The following ALDH4A1 variants were observed in gnomAD, a reference collection of about 807,000 sequenced individuals.
The protein encoded by ALDH4A1 is aldehyde dehydrogenase 4 family member A1.
In ALDH4A1, 46 loss-of-function variants were observed where a neutral mutation model predicts 70.5. That is an observed-to-expected ratio of 0.65 (90% CI 0.51 to 0.83). The LOEUF (loss-of-function observed/expected upper bound fraction) is 0.83, where lower values mean the gene tolerates loss of function less well. Ranked by LOEUF, ALDH4A1 falls within the 40% of genes least tolerant of loss-of-function variation. ALDH4A1 has a pLI of 0.00. For synonymous variants in ALDH4A1, 323 were observed against 324.3 expected (o/e 1.00, Z 0.04); for missense variants, 749 against 766.5 (o/e 0.98, Z 0.27).
At position 18,877,304 on chromosome 1, in the gene ALDH4A1, C is replaced by T. The variant is rs1329482002; in HGVS notation, c.1138-49G>A. On this transcript the variant is annotated intron_variant, in intron 10 of 14. Transcript: ENST00000375341. The stretch of plus-strand genomic sequence containing the variant: ...AGAGACGAGTCACTGCAGGCCGAGA[C>T]CAAGGGAGACCCCTCCCCGCACACC... 13 of 1,574,094 alleles carry T rather than the reference C, an allele frequency of 8.3e-6. No homozygotes were observed. In the African/African-American group the frequency reaches 1.5e-4, roughly 18 times the overall value.
At chr1:18,895,041 CAGTCAGT>C (rs1488644900) in intron 1 of ALDH4A1, among the ~76,000 whole-genome samples, 1 of 152,118 alleles carries the variant, frequency 6.6e-6, no homozygotes, top group Non-Finnish European at 1.5e-5. Flanking sequence ...CGCATTTATG[CAGTCAGT>C]ACACATTTAT....
intron 8 of ALDH4A1, among the ~76,000 whole-genome samples, chr1:18,879,968 G>A (rs537696219): frequency 4.6e-5 from 7 of 152,278 alleles, no homozygotes; most frequent in East Asian, 1.9e-4. Flanking sequence ...CTAATCACCC[G>A]GGAGCCAGCG....
chr1:18,898,347 CAAT>C lies in ALDH4A1; in HGVS notation c.62+4112_62+4114del, dbSNP rs1462985066. 2.6e-5 allele frequency among the ~76,000 whole-genome samples: 4 copies of C among 152,054 alleles called. No homozygotes were observed. The highest frequency in any genetic ancestry group is 5.9e-5 in the Non-Finnish European group (4 of 68,008). ...CAAAACAAACAAACAAACAAACCAA[CAAT>C]AATAACAGAAGAGGTTTGGCATCTG... On this transcript the variant is annotated intron_variant, in intron 1 of 14. Coordinates refer to ENST00000375341, the MANE Select transcript of ALDH4A1 (RefSeq NM_003748.4). This position sits in a 1 kb window ranked among gnomAD's most constrained non-coding sequence, Gnocchi z 4.3.
chr1:18,900,513 G>A (rs1423820949), intron 1 of ALDH4A1, among the ~76,000 whole-genome samples: 1 of 152,178 alleles, frequency 6.6e-6, no homozygotes, highest in Non-Finnish European at 1.5e-5. Flanking sequence ...TCAGGGCCAG[G>A]GTTTTTTTCG....
chr1:18,901,004 A>G (rs1935779870), intron 1 of ALDH4A1: 1 of 797,530 alleles, frequency 1.3e-6, no homozygotes, highest in Non-Finnish European at 1.5e-6. Flanking sequence ...CTCCCCTATT[A>G]AGCCGAAAAC....
At chr1:18,899,088 T>C (rs1177191339) in intron 1 of ALDH4A1, among the ~76,000 whole-genome samples, 1 of 152,156 alleles carries the variant, frequency 6.6e-6, no homozygotes, top group Non-Finnish European at 1.5e-5. Context: ...CACAAAGCAC[T>C]GGATGGGCTC....
chr1:18,876,950 T>C (rs1432276044), intron 11 of ALDH4A1, among the ~76,000 whole-genome samples: 1 of 152,140 alleles, frequency 6.6e-6, no homozygotes, highest in East Asian at 1.9e-4. Flanking sequence ...CAAACACACG[T>C]GTACATGCAC....
At chr1:18,886,325 C>A (rs1935198549) in intron 4 of ALDH4A1, 139 bp downstream of exon 4, 1 of 941,682 alleles carries the variant, frequency 1.1e-6, no homozygotes, top group Non-Finnish European at 1.7e-6. Flanking sequence ...GTGTCAGCCA[C>A]CCCCTGCCCA....
chr1:18,883,500 T>A, intron 5 of ALDH4A1, 72 bp from the exon 6 acceptor site: 1 of 1,601,762 alleles, frequency 6.2e-7, no homozygotes, highest in Non-Finnish European at 8.5e-7. Context: ...CATCTGACGC[T>A]GTGCCCAAAG....
At chr1:18,900,524 T>G (rs1935764967) in intron 1 of ALDH4A1, among the ~76,000 whole-genome samples, 1 of 152,302 alleles carries the variant, frequency 6.6e-6, no homozygotes, top group Non-Finnish European at 1.5e-5. Context: ...GTTTTTTTCG[T>G]AATTGTCAGG....
chr1:18,881,541 C>G (rs1039286842), intron 8 of ALDH4A1, among the ~76,000 whole-genome samples, 159 bp downstream of exon 8: 5 of 152,182 alleles, frequency 3.3e-5, no homozygotes, highest in Non-Finnish European at 4.4e-5. Context: ...GAAATGGAAG[C>G]TCAGAGAGGT....
At chr1:18,877,638 G>A in intron 9 of ALDH4A1, 26 bp from the exon 10 acceptor site, 4 of 1,429,688 alleles carry the variant, frequency 2.8e-6, no homozygotes, top group Non-Finnish European at 3.9e-6. Flanking sequence ...GTGGGGAAAT[G>A]ACCAGAGGAG....
chr1:18,889,826 G>A (rs1377265708), intron 2 of ALDH4A1, among the ~76,000 whole-genome samples, 186 bp downstream of exon 2: 1 of 152,214 alleles, frequency 6.6e-6, no homozygotes, highest in East Asian at 1.9e-4. Flanking sequence ...GCTCCAGGCT[G>A]CCACCTTGGT....
At chr1:18,889,511 A>G in intron 2 of ALDH4A1, 57 bp from the exon 3 acceptor site, 1 of 1,468,540 alleles carries the variant, frequency 6.8e-7, no homozygotes, top group Non-Finnish European at 9.3e-7. Flanking sequence ...CCTCCCATCT[A>G]AAACCCTAAC....
In ALDH4A1 at chr1:18,874,481, C is replaced by T. The variant is rs1934583398; in HGVS notation, c.1561G>A (p.Gly521Arg). Reference sequence around the variant, plus strand: ...CACTCACCAGAGGCTCGGGCCCCCCCAAAGGGCTGCTGGCCCACTATCGAG... The same window carrying T: ...CACTCACCAGAGGCTCGGGCCCCCCTAAAGGGCTGCTGGCCCACTATCGAG... ...TGSIVGQQPF[G>R]GARASGTNDK... is the part of the protein sequence containing the mutation. The change falls in exon 14 of 15, where the codon GGG (glycine) becomes AGG (arginine). Residue 521 changes from glycine to arginine, a missense_variant. Physicochemically the swap from Gly to Arg is moderately radical, Grantham distance 125. Transcript: ENST00000375341. 3 of 1,614,086 alleles carry T rather than the reference C, an allele frequency of 1.9e-6. No individual in the cohort carries two copies. Among genetic ancestry groups the T allele is most frequent in the Non-Finnish European group, 2.5e-6 (3 of 1,180,020 alleles).
chr1:18,872,747 G>A lies in ALDH4A1; in HGVS notation c.*98C>T, dbSNP rs2100546308. 1 of 857,862 alleles carries A rather than the reference G, an allele frequency of 1.2e-6. No individual in the cohort carries two copies. The highest frequency in any genetic ancestry group is 1.5e-5 in the South Asian group (1 of 67,428). The allele number at this position is 857,862 out of a possible 1,614,324, so 53.1% of individuals were successfully genotyped here. A position where few individuals can be genotyped will look rare whatever the true frequency, so the allele number is the denominator to read the frequency against. ...AAGCCCGGATTATAGAAAGGCAGCT[G>A]TGCATGAAGAAGGGGTGGAGGGGCT... On this transcript the variant is annotated 3_prime_UTR_variant, in exon 15 of 15. Coordinates refer to ENST00000375341, the MANE Select transcript of ALDH4A1 (RefSeq NM_003748.4).
At chr1:18,892,561 G>GC (rs1557625677) in intron 1 of ALDH4A1, among the ~76,000 whole-genome samples, 3 of 151,736 alleles carry the variant, frequency 2.0e-5, no homozygotes, top group African/African-American at 7.3e-5. Context: ...AAGGAGGCGG[G>GC]GGGGGGCTGA....
intron 2 of ALDH4A1, 73 bp from the exon 3 acceptor site, chr1:18,889,527 G>T: frequency 1.5e-6 from 2 of 1,357,066 alleles, no homozygotes; most frequent in South Asian, 1.2e-5. Flanking sequence ...CTAACGCAGA[G>T]TCCACAGACG....
chr1:18,887,143 A>G (rs1198306582), intron 3 of ALDH4A1, among the ~76,000 whole-genome samples: 1 of 152,222 alleles, frequency 6.6e-6, no homozygotes, highest in African/African-American at 2.4e-5. Context: ...CTCAACAAAC[A>G]TTTATAAACA....
Sources: gnomAD v4.1 joint callset for allele counts (sites outside exome capture counted in the v4.1 genomes callset) on GRCh38, gnomAD v4.1.1 for gene constraint, Gnocchi (gnomAD v3.1) non-coding constraint, MANE v1.5 for transcripts, NCBI Gene and HGNC (gene_info 2026-07-23, HGNC 2026-07-21) for gene names.